The following EYA2 variants were observed in gnomAD, a reference collection of about 807,000 sequenced individuals.
The protein encoded by EYA2 is protein phosphatase EYA2.
Under a neutral mutation model 69.2 loss-of-function variants are expected in EYA2, and 31 were observed. The observed-to-expected ratio is 0.45, with a 90% CI of 0.34 to 0.60. The LOEUF (loss-of-function observed/expected upper bound fraction) is 0.60, where lower values mean the gene tolerates loss of function less well. Among genes scored for constraint, EYA2 ranks in the 20% least tolerant of loss-of-function variants. The pLI, the probability that EYA2 is intolerant of heterozygous loss-of-function variation, is 0.02. For missense variants in EYA2, 622 were observed against 701.2 expected, an observed-to-expected ratio of 0.89 and a Z score of 1.28; for synonymous variants, 257 against 279.4, an observed-to-expected ratio of 0.92 and a Z score of 0.80.
chr20:46,919,707 G>A (rs1297470191), intron 1 of EYA2, among the ~76,000 whole-genome samples: 1 of 152,232 alleles, frequency 6.6e-6, no homozygotes, highest in Non-Finnish European at 1.5e-5. Flanking sequence ...CACGGGAGTA[G>A]CACTTTTAAT....
chr20:46,962,182 C>T (rs1292684167), intron 1 of EYA2, among the ~76,000 whole-genome samples: 2 of 152,210 alleles, frequency 1.3e-5, no homozygotes, highest in African/African-American at 2.4e-5. Flanking sequence ...GCACATGCCA[C>T]CACACCTGGC....
intron 2 of EYA2, among the ~76,000 whole-genome samples, chr20:46,994,196 A>G (rs902474586): frequency 1.3e-5 from 2 of 152,210 alleles, no homozygotes; most frequent in Admixed American, 1.3e-4. Flanking sequence ...ACTGATGACA[A>G]TAATTTCCTT....
intron 5 of EYA2, among the ~76,000 whole-genome samples, chr20:47,025,753 A>G (rs1285136638): frequency 6.6e-6 from 1 of 152,258 alleles, no homozygotes; most frequent in Admixed American, 6.5e-5. Flanking sequence ...GTTACCCTCC[A>G]TAGGGATTCT....
chr20:47,016,147 C>T (rs770297353), intron 4 of EYA2, 34 bp from the exon 5 acceptor site: 1 of 1,508,302 alleles, frequency 6.6e-7, no homozygotes, highest in South Asian at 1.1e-5. Flanking sequence ...ATCATGTGTC[C>T]TTGGTCCTTT....
intron 1 of EYA2, among the ~76,000 whole-genome samples, chr20:46,940,200 C>T (rs926995591): frequency 6.6e-6 from 1 of 152,178 alleles, no homozygotes; most frequent in Admixed American, 6.5e-5. Flanking sequence ...AAAGAATGTG[C>T]AGGAACACAA....
intron 1 of EYA2, among the ~76,000 whole-genome samples, chr20:46,947,122 T>C (rs542346140): frequency 6.6e-6 from 1 of 152,334 alleles, no homozygotes; most frequent in South Asian, 2.1e-4. Context: ...AAAAGCTTGC[T>C]GACCTCTACT....
At chr20:47,102,862 C>G (rs1460517634) in intron 9 of EYA2, among the ~76,000 whole-genome samples, 1 of 152,056 alleles carries the variant, frequency 6.6e-6, no homozygotes. Context: ...CCCTACCACC[C>G]TCCTCCGCAG....
In EYA2 at chr20:47,177,097, C is replaced by G. The variant is rs115270181; in HGVS notation, c.1199-2701C>G. Among the ~76,000 whole-genome samples the G allele has an allele frequency of 6.4e-3, 978 of 151,830 alleles. 12 individuals are homozygous for G. The highest frequency in any genetic ancestry group is 0.022 in the African/African-American group (910 of 41,402). ...ACAGGCATGAGCCACCCTGCCTGGC[C>G]CCTTCTATCTTTGTATTTATTTATT... is the stretch of plus-strand genomic sequence containing the variant. On this transcript the variant is annotated intron_variant, in intron 12 of 15. Coordinates refer to ENST00000327619, the MANE Select transcript of EYA2 (RefSeq NM_005244.5).
At chr20:46,906,301 T>G (rs1232156374) in intron 1 of EYA2, among the ~76,000 whole-genome samples, 1 of 152,230 alleles carries the variant, frequency 6.6e-6, no homozygotes, top group African/African-American at 2.4e-5. Flanking sequence ...TCATTTAAAA[T>G]AAAACATTTT....
chr20:47,161,389 G>C (rs554343893), intron 10 of EYA2: 101 of 424,400 alleles, frequency 2.4e-4, no homozygotes, highest in Non-Finnish European at 4.1e-4. Context: ...GTCTGCTTTT[G>C]TACTGGCATG....
intron 9 of EYA2, among the ~76,000 whole-genome samples, chr20:47,121,343 T>C (rs2066225): frequency 0.49 from 74,676 of 152,030 alleles, 18,744 homozygotes; most frequent in East Asian, 0.69. Context: ...TCCACCCACC[T>C]TGGCCTCCCA....
intron 5 of EYA2, among the ~76,000 whole-genome samples, chr20:47,056,330 G>A (rs2030608710): frequency 6.6e-6 from 1 of 152,012 alleles, no homozygotes; most frequent in Non-Finnish European, 1.5e-5. Context: ...GGCTTTGTCT[G>A]CTTTGGGTTC....
At chr20:47,151,512 A>G (rs1276965203) in intron 10 of EYA2, among the ~76,000 whole-genome samples, 2 of 151,620 alleles carry the variant, frequency 1.3e-5, no homozygotes, top group Non-Finnish European at 2.9e-5. Flanking sequence ...CATGCTCCCC[A>G]CTACCTTAAG....
chr20:46,972,273 G>A (rs1441905243), intron 1 of EYA2, among the ~76,000 whole-genome samples: 2 of 152,182 alleles, frequency 1.3e-5, no homozygotes, highest in Non-Finnish European at 1.5e-5. Context: ...CAGAAGGTGC[G>A]ATTAGAGGGT....
At chr20:47,032,213 G>A (rs1029502729) in intron 5 of EYA2, among the ~76,000 whole-genome samples, 6 of 152,218 alleles carry the variant, frequency 3.9e-5, no homozygotes, top group East Asian at 1.9e-4. Context: ...GTGGTAAAGC[G>A]GGGACCAGAG....
At chr20:47,171,106 C>G (rs2034312002) in intron 11 of EYA2, among the ~76,000 whole-genome samples, 1 of 152,236 alleles carries the variant, frequency 6.6e-6, no homozygotes, top group South Asian at 2.1e-4. Context: ...TTAATTGGTC[C>G]TTTCCATGAA....
intron 1 of EYA2, among the ~76,000 whole-genome samples, chr20:46,989,748 G>A (rs1287325635): frequency 6.6e-6 from 1 of 152,164 alleles, no homozygotes; most frequent in African/African-American, 2.4e-5. Flanking sequence ...TTTTCTAATG[G>A]CAAAATACAG....
chr20:47,051,678 A>G (rs2030336315), intron 5 of EYA2, among the ~76,000 whole-genome samples: 1 of 152,148 alleles, frequency 6.6e-6, no homozygotes, highest in African/African-American at 2.4e-5. Flanking sequence ...ACCTATGACC[A>G]TGGGACACAT....
intron 7 of EYA2, among the ~76,000 whole-genome samples, chr20:47,086,058 ATTACTC>A (rs2146498811): frequency 6.6e-6 from 1 of 152,326 alleles, no homozygotes; most frequent in Admixed American, 6.5e-5. Context: ...AAAGAATGAA[ATTACTC>A]CAAGAAAGGT....
Sources: gnomAD v4.1 joint callset for allele counts (sites outside exome capture counted in the v4.1 genomes callset) on GRCh38, gnomAD v4.1.1 for gene constraint, MANE v1.5 for transcripts, NCBI Gene and HGNC (gene_info 2026-07-23, HGNC 2026-07-21) for gene names.